Variants in KSR2 observed in about 807,000 individuals in gnomAD.
KSR2 encodes the protein kinase suppressor of ras 2.
A neutral mutation model predicts 107.8 loss-of-function variants in KSR2; 25 were observed. That is an observed-to-expected ratio of 0.23 (90% CI 0.17 to 0.32). The LOEUF is 0.32. Among genes scored for constraint, KSR2 ranks in the 10% least tolerant of loss-of-function variants. KSR2 has a pLI of 1.00. For synonymous variants in KSR2, 480 were observed against 507.0 expected, an observed-to-expected ratio of 0.95 and a Z score of 0.71; for missense variants, 887 against 1,268.9, an observed-to-expected ratio of 0.70 and a Z score of 4.57.
intron 7 of KSR2, among the ~76,000 whole-genome samples, chr12:117,560,536 T>C (rs1592994101): frequency 6.6e-6 from 1 of 152,234 alleles, no homozygotes; most frequent in Non-Finnish European, 1.5e-5. Context: ...CAACACGTGC[T>C]ATCTCCAGTC....
rs571008670 is a variant in KSR2, at chr12:117,666,098, G to C, written c.1171+1376C>G. ...GTACTATTTTAGTTTGCTTGATTTA[G>C]AGCCTGCCTAACCTGGGCACCAAGA... On this transcript the variant is annotated intron_variant, in intron 5 of 19. Coordinates refer to ENST00000339824, the MANE Select transcript of KSR2 (RefSeq NM_173598.6). Among the ~76,000 whole-genome samples, 5 of 152,276 alleles carry C rather than the reference G, an allele frequency of 3.3e-5. No individual in the cohort carries two copies. The East Asian group carries it at 9.6e-4, about 29-fold the overall frequency.
intron 4 of KSR2, among the ~76,000 whole-genome samples, chr12:117,748,182 C>T (rs994332361): frequency 6.6e-6 from 1 of 152,154 alleles, no homozygotes; most frequent in African/African-American, 2.4e-5. Context: ...GGATACCATG[C>T]TAAGTGAAAC....
intron 5 of KSR2, among the ~76,000 whole-genome samples, chr12:117,595,856 A>G (rs550755702): frequency 6.6e-6 from 1 of 152,298 alleles, no homozygotes; most frequent in South Asian, 2.1e-4. Flanking sequence ...TACCGTTCCA[A>G]TGTCCCACAG....
At chr12:117,682,289 C>A (rs1317897158) in intron 4 of KSR2, among the ~76,000 whole-genome samples, 2 of 152,000 alleles carry the variant, frequency 1.3e-5, no homozygotes, top group Admixed American at 1.3e-4. Flanking sequence ...GGAGAGAGAA[C>A]ATTAGGAAAA....
At position 117,796,966 on chromosome 12, in the gene KSR2, G is replaced by A. The variant is rs191890536; in HGVS notation, c.473-35442C>T. 9.2e-5 allele frequency among the ~76,000 whole-genome samples: 14 copies of A among 152,194 alleles called. No homozygotes were observed. The East Asian group carries it at 1.5e-3, about 17-fold the overall frequency. Reference sequence around the variant, plus strand: ...ATTCACCAAGTGCCTACTGAGTGCCGAGCTTTGAATTGGAGCCTGGGAACA... The same window carrying A: ...ATTCACCAAGTGCCTACTGAGTGCCAAGCTTTGAATTGGAGCCTGGGAACA... On this transcript the variant is annotated intron_variant, in intron 3 of 19. Transcript: ENST00000339824.
At chr12:117,571,560 C>A (rs1293000431) in intron 7 of KSR2, among the ~76,000 whole-genome samples, 1 of 152,104 alleles carries the variant, frequency 6.6e-6, no homozygotes, top group Non-Finnish European at 1.5e-5. Flanking sequence ...GTAGCAGTGG[C>A]TGGTCAAAGA....
At chr12:117,664,757 G>A (rs1483092873) in intron 5 of KSR2, among the ~76,000 whole-genome samples, 8 of 152,106 alleles carry the variant, frequency 5.3e-5, no homozygotes, top group South Asian at 2.1e-4. Context: ...GATTGGATCT[G>A]GATTCAGAAG....
chr12:117,761,951 A>T (rs781769246), intron 3 of KSR2, among the ~76,000 whole-genome samples: 1 of 152,240 alleles, frequency 6.6e-6, no homozygotes, highest in Non-Finnish European at 1.5e-5. Flanking sequence ...ATTCTATCAA[A>T]TGCATGTTAC....
At chr12:117,818,107 A>G (rs1437085829) in intron 3 of KSR2, among the ~76,000 whole-genome samples, 2 of 131,900 alleles carry the variant, frequency 1.5e-5, no homozygotes, top group East Asian at 5.0e-4. Context: ...TTTCAAAAAA[A>G]TAAAAAAAAA....
chr12:117,718,904 T>C (rs1887102824), intron 4 of KSR2, among the ~76,000 whole-genome samples: 1 of 152,192 alleles, frequency 6.6e-6, no homozygotes, highest in South Asian at 2.1e-4. Context: ...TCTAAGGTGA[T>C]GATTTAGAGT....
intron 4 of KSR2, among the ~76,000 whole-genome samples, chr12:117,689,146 T>A (rs987590184): frequency 2.6e-5 from 4 of 152,190 alleles, no homozygotes; most frequent in Non-Finnish European, 5.9e-5. Context: ...ATATACATAT[T>A]TATGTTTATA....
chr12:117,725,683 C>T (rs1887397797), intron 4 of KSR2, among the ~76,000 whole-genome samples: 1 of 152,194 alleles, frequency 6.6e-6, no homozygotes, highest in Non-Finnish European at 1.5e-5. Context: ...GGAGTAGTGG[C>T]TCACACCTGT....
chr12:117,526,673 G>C (rs1698761257), intron 13 of KSR2, among the ~76,000 whole-genome samples: 1 of 152,174 alleles, frequency 6.6e-6, no homozygotes, highest in Admixed American at 6.5e-5. Context: ...CAGCCACTTA[G>C]GCAGGTGGGA....
intron 14 of KSR2, among the ~76,000 whole-genome samples, chr12:117,513,340 A>G (rs1268069337): frequency 1.3e-5 from 2 of 152,142 alleles, no homozygotes; most frequent in African/African-American, 2.4e-5. Flanking sequence ...GGACCTAATT[A>G]TCTTAAACAT....
chr12:117,747,300 G>C (rs1366126905), intron 4 of KSR2, among the ~76,000 whole-genome samples: 1 of 152,120 alleles, frequency 6.6e-6, no homozygotes, highest in Non-Finnish European at 1.5e-5. Context: ...GATGAAGCTG[G>C]AAGCCATCAT....
At chr12:117,731,344 C>A (rs1809023) in intron 4 of KSR2, among the ~76,000 whole-genome samples, 30,559 of 136,832 alleles carry the variant, frequency 0.22, 3,992 homozygotes, top group South Asian at 0.3. Flanking sequence ...AGGAGCCCCC[C>A]CGCCCAGCAG....
intron 4 of KSR2, among the ~76,000 whole-genome samples, chr12:117,671,296 T>G (rs1170050717): frequency 6.6e-6 from 1 of 152,180 alleles, no homozygotes; most frequent in Admixed American, 6.5e-5. Context: ...GGTTGGGTGT[T>G]CCTTCTCAGT....
intron 3 of KSR2, among the ~76,000 whole-genome samples, chr12:117,827,636 T>G (rs11830157): frequency 0.34 from 51,032 of 152,184 alleles, 9,385 homozygotes; most frequent in Middle Eastern, 0.47. Context: ...TGTTGGCTGC[T>G]GCTATTGATA....
chr12:117,840,432 G>C (rs1892420253), intron 3 of KSR2, among the ~76,000 whole-genome samples: 1 of 151,932 alleles, frequency 6.6e-6, no homozygotes. Flanking sequence ...ATCTTGCTCT[G>C]TTGCCCAGGC....
Sources: allele counts gnomAD v4.1 joint callset (sites outside exome capture counted in the v4.1 genomes callset), GRCh38; gene constraint gnomAD v4.1.1; transcripts MANE v1.5; gene names NCBI Gene and HGNC (gene_info 2026-07-23, HGNC 2026-07-21).